Variants in ADRA1B observed in about 807,000 individuals in gnomAD.
The protein encoded by ADRA1B is adrenoceptor alpha 1B.
Under a neutral mutation model 17.9 loss-of-function variants are expected in ADRA1B, and 17 were observed. That is an observed-to-expected ratio of 0.95 (90% confidence interval 0.65 to 1.42). ADRA1B has a LOEUF of 1.42. Among genes scored for constraint, ADRA1B ranks in the 40% most tolerant of loss-of-function variants. The pLI is 0.00. For missense variants in ADRA1B, 681 were observed against 722.1 expected, an observed-to-expected ratio of 0.94 and a Z score of 0.65; for synonymous variants, 366 against 327.6, an observed-to-expected ratio of 1.12 and a Z score of -1.27.
chr5:159,875,358 G>A (rs372976494), intron 1 of ADRA1B, among the ~76,000 whole-genome samples: 7 of 151,924 alleles, frequency 4.6e-5, no homozygotes, highest in African/African-American at 1.5e-4. Flanking sequence ...CACAACCGCA[G>A]CTCCTACCCA....
intron 1 of ADRA1B, among the ~76,000 whole-genome samples, chr5:159,966,962 G>A (rs1285802770): frequency 2.6e-5 from 4 of 152,140 alleles, no homozygotes; most frequent in Admixed American, 2.0e-4. Flanking sequence ...ATAGCACCAC[G>A]TACTTTGACA....
chr5:159,926,049 G>A (rs929626642), intron 1 of ADRA1B, among the ~76,000 whole-genome samples: 1 of 152,176 alleles, frequency 6.6e-6, no homozygotes, highest in African/African-American at 2.4e-5. Flanking sequence ...TGCCGAACAT[G>A]GGTGCTCACA....
downstream of ADRA1B, among the ~76,000 whole-genome samples, chr5:159,975,587 A>G (rs558472888): frequency 7.2e-5 from 11 of 152,348 alleles, no homozygotes; most frequent in Non-Finnish European, 1.2e-4. Context: ...TGATGATCTC[A>G]TTCATTACTG....
At chr5:159,919,739 C>A (rs1300427797) in intron 1 of ADRA1B, among the ~76,000 whole-genome samples, 2 of 152,194 alleles carry the variant, frequency 1.3e-5, no homozygotes, top group South Asian at 2.1e-4. Context: ...AGGCTGTGAC[C>A]AGAGCATGCT....
At chr5:159,947,516 CT>C (rs1463055005) in intron 1 of ADRA1B, among the ~76,000 whole-genome samples, 2 of 152,034 alleles carry the variant, frequency 1.3e-5, no homozygotes, top group Non-Finnish European at 2.9e-5. Flanking sequence ...TTCATTTGAT[CT>C]GCATGAAATA....
upstream of ADRA1B, among the ~76,000 whole-genome samples, chr5:159,912,526 A>C (rs1019920): frequency 0.39 from 58,981 of 152,088 alleles, 12,090 homozygotes; most frequent in East Asian, 0.76. Flanking sequence ...CTGCCTTACT[A>C]AGGAGCCTGG....
intron 1 of ADRA1B, among the ~76,000 whole-genome samples, chr5:159,910,078 AT>A (rs1754213264): frequency 6.6e-6 from 1 of 152,232 alleles, no homozygotes; most frequent in Non-Finnish European, 1.5e-5. Context: ...ACGCACACAC[AT>A]ATATATCCTA....
intron 1 of ADRA1B, among the ~76,000 whole-genome samples, chr5:159,965,848 TA>T (rs1360411352): frequency 2.2e-4 from 33 of 152,004 alleles, no homozygotes; most frequent in Non-Finnish European, 4.4e-4. Flanking sequence ...TTTATTTATT[TA>T]TTTTTTTGAC....
chr5:159,891,384 C>G (rs541814224), intron 1 of ADRA1B, among the ~76,000 whole-genome samples: 1 of 152,164 alleles, frequency 6.6e-6, no homozygotes, highest in African/African-American at 2.4e-5. Context: ...CAATTTCCAC[C>G]TACTTCAATG....
chr5:159,876,514 A>T (rs1581016693), intron 1 of ADRA1B, among the ~76,000 whole-genome samples: 2 of 152,110 alleles, frequency 1.3e-5, no homozygotes, highest in East Asian at 1.9e-4. Flanking sequence ...TAACCCAATC[A>T]CTGGTGAATG....
intron 1 of ADRA1B, among the ~76,000 whole-genome samples, chr5:159,882,216 G>A (rs1753871059): frequency 1.3e-5 from 2 of 152,138 alleles, no homozygotes; most frequent in East Asian, 3.9e-4. Context: ...GTCCCTTACA[G>A]ATCATCTAGC....
chr5:159,909,904 G>A (rs1372268766), intron 1 of ADRA1B, among the ~76,000 whole-genome samples: 1 of 152,218 alleles, frequency 6.6e-6, no homozygotes, highest in Admixed American at 6.5e-5. Context: ...TTCAGGAAAA[G>A]TGTAGGGTAA....
chr5:159,943,302 G>A (rs906375152), intron 1 of ADRA1B, among the ~76,000 whole-genome samples: 2 of 151,984 alleles, frequency 1.3e-5, no homozygotes, highest in Non-Finnish European at 2.9e-5. Flanking sequence ...TACAGAACAA[G>A]TTTCAATATT....
chr5:159,948,734 A>G (rs922102473), intron 1 of ADRA1B, among the ~76,000 whole-genome samples: 3 of 152,208 alleles, frequency 2.0e-5, no homozygotes, highest in Non-Finnish European at 2.9e-5. Flanking sequence ...GTTGAATTGT[A>G]TGTGTCATTA....
At chr5:159,987,775 G>A in the ADRA1B span, among the ~76,000 whole-genome samples, 1 of 152,108 alleles carries the variant, frequency 6.6e-6, no homozygotes, top group Non-Finnish European at 1.5e-5. Context: ...CTGGAAAAGG[G>A]GTGCACACTT....
chr5:159,907,993 T>C (rs918457802), intron 1 of ADRA1B, among the ~76,000 whole-genome samples: 7 of 148,304 alleles, frequency 4.7e-5, no homozygotes, highest in African/African-American at 1.8e-4. Flanking sequence ...ACAGAGTTGG[T>C]TGCCATCATG....
chr5:159,881,552 T>A (rs1326855773), intron 1 of ADRA1B, among the ~76,000 whole-genome samples: 5 of 152,130 alleles, frequency 3.3e-5, no homozygotes, highest in African/African-American at 1.2e-4. Context: ...TAGAGAGGAA[T>A]TGATTGGTCA....
At chr5:159,888,553 A>G (rs1753950543) in intron 1 of ADRA1B, 1 of 152,226 alleles carries the variant, frequency 6.6e-6, no homozygotes, top group African/African-American at 2.4e-5. Context: ...TATTTCAAAT[A>G]GAGGGAATTT....
At chr5:159,938,572 A>G (rs1284947646) in intron 1 of ADRA1B, among the ~76,000 whole-genome samples, 5 of 152,246 alleles carry the variant, frequency 3.3e-5, no homozygotes, top group African/African-American at 1.2e-4. Context: ...GGAAAAATGA[A>G]CTACAGGCAT....
Sources: gnomAD v4.1 joint callset for allele counts (sites outside exome capture counted in the v4.1 genomes callset) on GRCh38, gnomAD v4.1.1 for gene constraint, MANE v1.5 for transcripts, NCBI Gene and HGNC (gene_info 2026-07-23, HGNC 2026-07-21) for gene names.